Variants in IPO11 observed in about 807,000 individuals in gnomAD.
IPO11 encodes the protein importin-11.
Under a neutral mutation model 143.2 loss-of-function variants are expected in IPO11, and 66 were observed. That is an observed-to-expected ratio of 0.46 (90% CI 0.38 to 0.57). The LOEUF (loss-of-function observed/expected upper bound fraction) is 0.57, where lower values mean the gene tolerates loss of function less well. Among genes scored for constraint, IPO11 ranks in the 20% least tolerant of loss-of-function variants. The pLI is 0.00. For missense variants in IPO11, 1,026 were observed against 1,141.0 expected, an observed-to-expected ratio of 0.90 and a Z score of 1.45; for synonymous variants, 385 against 377.8, an observed-to-expected ratio of 1.02 and a Z score of -0.22.
At chr5:62,453,143 T>C (rs1745003663) in intron 5 of IPO11, among the ~76,000 whole-genome samples, 1 of 151,084 alleles carries the variant, frequency 6.6e-6, no homozygotes, top group Non-Finnish European at 1.5e-5. Flanking sequence ...TTTTGTAGTT[T>C]TGTAGAAAGA....
chr5:62,438,264 A>C (rs746851456), intron 2 of IPO11, among the ~76,000 whole-genome samples: 1 of 152,228 alleles, frequency 6.6e-6, no homozygotes, highest in Non-Finnish European at 1.5e-5. Flanking sequence ...GATATTGTTC[A>C]TGACAGTAAG....
At chr5:62,443,939 G>A (rs1369556883) in intron 3 of IPO11, among the ~76,000 whole-genome samples, 1 of 152,078 alleles carries the variant, frequency 6.6e-6, no homozygotes, top group Non-Finnish European at 1.5e-5. Context: ...TGGCACTATA[G>A]CTCTCTAAAT....
intron 9 of IPO11, among the ~76,000 whole-genome samples, chr5:62,481,750 C>G (rs1204962628): frequency 6.6e-6 from 1 of 152,030 alleles, no homozygotes; most frequent in East Asian, 1.9e-4. Flanking sequence ...ATATTGGTCT[C>G]TTTTTTTGTT....
intron 1 of IPO11, among the ~76,000 whole-genome samples, chr5:62,431,181 G>T (rs1743973792): frequency 6.6e-6 from 1 of 152,014 alleles, no homozygotes; most frequent in Non-Finnish European, 1.5e-5. Context: ...GGTTTGCTGT[G>T]TTGGCCAGGC....
At position 62,536,793 on chromosome 5, in the gene IPO11, T is replaced by A; in HGVS notation, c.2169+12T>A. On this transcript the variant is annotated intron_variant, in intron 23 of 29. Transcript: ENST00000325324. The stretch of plus-strand genomic sequence containing the variant: ...CAGAATTTTTACAGGTATGTTGGAG[T>A]ACTTTTGCATTATATGAAATTATAT... 6.6e-7 allele frequency: 1 copy of A among 1,511,018 alleles called. No homozygotes were observed. Among genetic ancestry groups the A allele is most frequent in the Admixed American group, 2.5e-5 (1 of 39,480 alleles). The allele number at this position is 1,511,018 out of a possible 1,614,324, so 93.6% of individuals were successfully genotyped here. A position where few individuals can be genotyped will look rare whatever the true frequency, so the allele number is the denominator to read the frequency against.
intron 28 of IPO11, among the ~76,000 whole-genome samples, chr5:62,595,915 GGAAAT>G (rs1245535784): frequency 2.0e-5 from 3 of 151,616 alleles, no homozygotes; most frequent in Admixed American, 1.3e-4. Context: ...AGGAATATTG[GGAAAT>G]GAAATTGACA....
chr5:62,424,050 A>G (rs1377059984), intron 1 of IPO11, among the ~76,000 whole-genome samples: 2 of 150,878 alleles, frequency 1.3e-5, no homozygotes, highest in Admixed American at 6.6e-5. Context: ...ACATGGTCTC[A>G]CTCTGTTGCC....
intron 22 of IPO11, among the ~76,000 whole-genome samples, chr5:62,531,073 A>G (rs1480783964): frequency 6.6e-6 from 1 of 152,148 alleles, no homozygotes; most frequent in African/African-American, 2.4e-5. Flanking sequence ...TGCCATGATT[A>G]TGTCCTTGAG....
intron 24 of IPO11, among the ~76,000 whole-genome samples, chr5:62,547,443 C>G (rs1743242244): frequency 6.6e-6 from 1 of 152,054 alleles, no homozygotes; most frequent in Non-Finnish European, 1.5e-5. Context: ...CAGTGAAAGA[C>G]TTTTTCACCT....
chr5:62,434,877 T>TG (rs1744115281), intron 1 of IPO11, among the ~76,000 whole-genome samples: 1 of 151,170 alleles, frequency 6.6e-6, no homozygotes, highest in African/African-American at 2.4e-5. Flanking sequence ...ATACAAAAAT[T>TG]AGCTGGGCGT....
At chr5:62,554,442 G>A (rs1743499214) in intron 26 of IPO11, among the ~76,000 whole-genome samples, 1 of 152,086 alleles carries the variant, frequency 6.6e-6, no homozygotes, top group South Asian at 2.1e-4. Context: ...TTCATCTAGA[G>A]TTGATTTATG....
intron 27 of IPO11, among the ~76,000 whole-genome samples, chr5:62,565,464 C>T (rs1743902614): frequency 6.6e-6 from 1 of 152,072 alleles, no homozygotes; most frequent in East Asian, 1.9e-4. Flanking sequence ...CCAGCCTGGG[C>T]AACAGAGTGA....
intron 22 of IPO11, among the ~76,000 whole-genome samples, chr5:62,535,768 CAG>C (rs1270517035): frequency 6.6e-5 from 10 of 152,126 alleles, no homozygotes; most frequent in African/African-American, 2.2e-4. Context: ...GATAAGAACA[CAG>C]GGGCTAATCT....
At chr5:62,433,545 CAACAG>C (rs763580554) in intron 1 of IPO11, among the ~76,000 whole-genome samples, 2 of 152,166 alleles carry the variant, frequency 1.3e-5, no homozygotes, top group Non-Finnish European at 2.9e-5. Flanking sequence ...TTTGGGTAGA[CAACAG>C]AGACTCTTCT....
At chr5:62,499,618 C>T (rs945042431) in intron 16 of IPO11, among the ~76,000 whole-genome samples, 4 of 148,402 alleles carry the variant, frequency 2.7e-5, no homozygotes, top group Admixed American at 6.7e-5. Flanking sequence ...CTTTGTCGCC[C>T]AGGCTGGAGT....
At chr5:62,433,246 A>C (rs1181976402) in intron 1 of IPO11, among the ~76,000 whole-genome samples, 1 of 152,098 alleles carries the variant, frequency 6.6e-6, no homozygotes, top group Non-Finnish European at 1.5e-5. Flanking sequence ...ACTAATGACA[A>C]ACACAGATAA....
chr5:62,428,626 G>GC (rs992035315), intron 1 of IPO11, among the ~76,000 whole-genome samples: 3 of 152,034 alleles, frequency 2.0e-5, no homozygotes, highest in African/African-American at 7.3e-5. Context: ...ACAAGCGTGA[G>GC]CCCCCGCGCC....
At chr5:62,435,120 A>G (rs564584357) in intron 1 of IPO11, among the ~76,000 whole-genome samples, 7 of 106,508 alleles carry the variant, frequency 6.6e-5, no homozygotes, top group African/African-American at 2.9e-4. Context: ...GTATATATGT[A>G]TATATGTATA....
At chr5:62,439,284 G>GTTTTTTTTTTTTT (rs1226593063) in intron 2 of IPO11, among the ~76,000 whole-genome samples, 1 of 90,924 alleles carries the variant, frequency 1.1e-5, no homozygotes, top group African/African-American at 4.4e-5. Flanking sequence ...AACTGCGTAG[G>GTTTTTTTTTTTTT]TTTTTTTTTT....
Sources: gnomAD v4.1 joint callset for allele counts (sites outside exome capture counted in the v4.1 genomes callset) on GRCh38, gnomAD v4.1.1 for gene constraint, MANE v1.5 for transcripts, NCBI Gene and HGNC (gene_info 2026-07-23, HGNC 2026-07-21) for gene names.